GSE1: variants seen among roughly 807,000 people sequenced by gnomAD.
The protein encoded by GSE1 is genetic suppressor element 1.
In GSE1, 32 loss-of-function variants were observed where a neutral mutation model predicts 112.6. The ratio of observed to expected loss-of-function variants is 0.28; its 90% confidence interval spans 0.21 to 0.38. The LOEUF (loss-of-function observed/expected upper bound fraction) is 0.38, where lower values mean the gene tolerates loss of function less well. GSE1 is among the 10% of genes least tolerant of loss of function. GSE1 has a pLI of 1.00. For synonymous variants in GSE1, 1,115 were observed against 735.6 expected, an observed-to-expected ratio of 1.52 and a Z score of -8.35; for missense variants, 2,348 against 1,699.2, an observed-to-expected ratio of 1.38 and a Z score of -6.71.
At chr16:85,444,617 G>C (rs2049462007) in intron 2 of GSE1, among the ~76,000 whole-genome samples, 1 of 152,124 alleles carries the variant, frequency 6.6e-6, no homozygotes, top group South Asian at 2.1e-4. Flanking sequence ...GGTGTCCCCA[G>C]GACCTCTGCC....
At chr16:85,257,211 C>A (rs1018151563) in intron 1 of GSE1, among the ~76,000 whole-genome samples, 1 of 152,172 alleles carries the variant, frequency 6.6e-6, no homozygotes, top group Non-Finnish European at 1.5e-5. Context: ...TGGGTTCAAG[C>A]GATTCGCCTG....
intron 2 of GSE1, among the ~76,000 whole-genome samples, chr16:85,402,337 G>C (rs1264136740): frequency 6.6e-6 from 1 of 152,216 alleles, no homozygotes; most frequent in African/African-American, 2.4e-5. Flanking sequence ...TGTCTGGTTG[G>C]AGAAGCTGCC....
At chr16:85,182,746 G>A (rs2074615744) in intron 1 of GSE1, among the ~76,000 whole-genome samples, 1 of 152,138 alleles carries the variant, frequency 6.6e-6, no homozygotes. Context: ...CAACAGGCGT[G>A]CTGGGAGCCG....
intron 1 of GSE1, among the ~76,000 whole-genome samples, chr16:85,334,292 A>C (rs900245230): frequency 6.6e-6 from 1 of 152,212 alleles, no homozygotes; most frequent in South Asian, 2.1e-4. Context: ...CCTGGGCCTC[A>C]CTGGCCTCTG....
At position 85,435,621 on chromosome 16, in the gene GSE1, A is replaced by AT. The variant is rs2049228477; in HGVS notation, c.2464+77978_2464+77979insT. On this transcript the variant is annotated intron_variant, in intron 2 of 2. Transcript: ENST00000637419. ...AACTCCTCCCCTTGAGTGGGTTTTG[A>AT]GGGGGGATCTGGGCTTGATGGGAAT... 4.6e-5 allele frequency among the ~76,000 whole-genome samples: 7 copies of AT among 151,666 alleles called. No homozygotes were observed. In the South Asian group the frequency reaches 1.5e-3, roughly 32 times the overall value.
At chr16:85,592,008 C>A (rs538949166) in intron 1 of GSE1, among the ~76,000 whole-genome samples, 1 of 152,212 alleles carries the variant, frequency 6.6e-6, no homozygotes, top group Non-Finnish European at 1.5e-5. Flanking sequence ...TTTTAATTCA[C>A]GTCAGTTTAA....
chr16:85,604,742 CAAAAAAAAAAAAAAAA>C (rs36152099), intron 1 of GSE1, among the ~76,000 whole-genome samples: 2 of 608 alleles, frequency 3.3e-3, no homozygotes, highest in African/African-American at 5.7e-3. Flanking sequence ...GAGATTCTGT[CAAAAAAAAAAAAAAAA>C]AAAAAAAAAA....
intron 1 of GSE1, among the ~76,000 whole-genome samples, chr16:85,288,510 C>A (rs986029663): frequency 6.6e-6 from 1 of 152,226 alleles, no homozygotes; most frequent in Non-Finnish European, 1.5e-5. Context: ...AATGTGACAA[C>A]CTGTTGAGAG....
chr16:85,634,216 TCACAG>T, intron 2 of GSE1, 84 bp downstream of exon 2: 1 of 923,782 alleles, frequency 1.1e-6, no homozygotes, highest in Non-Finnish European at 1.5e-6. Flanking sequence ...GCGTGCACGC[TCACAG>T]CAGGTCTCGT....
chr16:85,443,064 G>T (rs2049419260), intron 2 of GSE1, among the ~76,000 whole-genome samples: 1 of 152,348 alleles, frequency 6.6e-6, no homozygotes, highest in African/African-American at 2.4e-5. Context: ...CCCTACAGTG[G>T]CATGGTCTCA....
upstream of GSE1, among the ~76,000 whole-genome samples, chr16:85,553,206 G>A (rs2151245377): frequency 6.6e-6 from 1 of 151,264 alleles, no homozygotes; most frequent in Admixed American, 6.6e-5. Flanking sequence ...GGGGAAAGCG[G>A]GGGCTGGAGC....
chr16:85,672,066 T>C, intron 15 of GSE1: 1 of 282,572 alleles, frequency 3.5e-6, no homozygotes, highest in South Asian at 3.1e-5. Context: ...TGGCGCAGTC[T>C]CGGCTCACTG....
In GSE1 at chr16:85,414,522, C is replaced by T. The variant is rs146138828; in HGVS notation, c.2464+56879C>T. Among the ~76,000 whole-genome samples, 281 of 152,364 alleles carry T rather than the reference C, an allele frequency of 1.8e-3. 1 individual carries two copies. The highest frequency in any genetic ancestry group is 6.4e-3 in the African/African-American group (266 of 41,574). ...ATGACATCGCCATGCCTTCGTGGGT[C>T]CCAACACCCACGCTCAGAAACACAG... On this transcript the variant is annotated intron_variant, in intron 2 of 2. Coordinates refer to the GSE1 transcript ENST00000637419.
chr16:85,667,532 TCTG>T (rs2052969916), intron 13 of GSE1, among the ~76,000 whole-genome samples: 2 of 152,178 alleles, frequency 1.3e-5, no homozygotes, highest in Non-Finnish European at 2.9e-5. Flanking sequence ...TGGGCTGGTG[TCTG>T]CTGAGGGCTG....
chr16:85,337,307 C>CTTTT (rs750709031), intron 1 of GSE1, among the ~76,000 whole-genome samples: 2 of 133,520 alleles, frequency 1.5e-5, no homozygotes, highest in South Asian at 2.4e-4. Context: ...CTTTTCTTTT[C>CTTTT]TTTTTTTTTT....
chr16:85,304,780 C>T (rs2045630167), intron 1 of GSE1, among the ~76,000 whole-genome samples: 1 of 152,216 alleles, frequency 6.6e-6, no homozygotes, highest in Admixed American at 6.5e-5. Context: ...GATAAGACAG[C>T]GACCAGGCCG....
chr16:85,455,923 C>T (rs1294395743), intron 2 of GSE1, among the ~76,000 whole-genome samples: 1 of 152,228 alleles, frequency 6.6e-6, no homozygotes, highest in African/African-American at 2.4e-5. Context: ...TGGGGTCAGG[C>T]CCCGCTTTGT....
At chr16:85,205,891 T>C (rs904292109) in intron 1 of GSE1, among the ~76,000 whole-genome samples, 1 of 152,232 alleles carries the variant, frequency 6.6e-6, no homozygotes, top group African/African-American at 2.4e-5. Context: ...AAGTACTTAC[T>C]GAGTGCCGTC....
intron 1 of GSE1, among the ~76,000 whole-genome samples, chr16:85,613,926 CCCCGACCCCTT>C (rs898529108): frequency 1.3e-5 from 2 of 150,864 alleles, no homozygotes; most frequent in African/African-American, 4.9e-5. Context: ...CCCTCCCCCT[CCCCGACCCCTT>C]GTCTCGGGGG....
Sources: gnomAD v4.1 joint callset for allele counts (sites outside exome capture counted in the v4.1 genomes callset) on GRCh38, gnomAD v4.1.1 for gene constraint, MANE v1.5 for transcripts, NCBI Gene and HGNC (gene_info 2026-07-23, HGNC 2026-07-21) for gene names.